HBS1L: variants seen among roughly 807,000 people sequenced by gnomAD.
The protein encoded by HBS1L is HBS1 like translational GTPase.
HBS1L carries 55 observed loss-of-function variants against 88.9 expected under a neutral mutation model. The observed-to-expected ratio is 0.62, with a 90% CI of 0.50 to 0.77. The LOEUF (loss-of-function observed/expected upper bound fraction) is 0.77. HBS1L is among the 30% of genes least tolerant of loss of function. The pLI, the probability that HBS1L is intolerant of heterozygous loss-of-function variation, is 0.00. For synonymous variants in HBS1L, 267 were observed against 288.5 expected, an observed-to-expected ratio of 0.93 and a Z score of 0.76; for missense variants, 741 against 829.3, an observed-to-expected ratio of 0.89 and a Z score of 1.31.
rs1242257285 is a variant in HBS1L, at chr6:135,039,632, C to CT, written c.370dup (p.Arg124LysfsTer10). On this transcript the variant is annotated frameshift_variant, in exon 4 of 18. Transcript: ENST00000367837. LOFTEE classifies it high-confidence loss of function. Reference sequence around the variant, plus strand: ...ATTCTTGTCCTTCAAACTCTGCACTCTATCTTGTTCCAGAACCCCTGACAA... The same window carrying CT: ...ATTCTTGTCCTTCAAACTCTGCACTCTTATCTTGTTCCAGAACCCCTGACAA... 2 of 1,614,034 alleles carry CT rather than the reference C, an allele frequency of 1.2e-6. No individual in the cohort carries two copies. The highest frequency in any genetic ancestry group is 1.7e-6 in the Non-Finnish European group (2 of 1,180,018).
rs377200246 is a variant in HBS1L, at chr6:134,987,789, C to T, written c.1086G>A (p.Ala362=). 185 of 1,570,096 alleles carry T rather than the reference C, an allele frequency of 1.2e-4. No individual in the cohort carries two copies. The highest frequency in any genetic ancestry group is 1.5e-4 in the Non-Finnish European group (175 of 1,161,784). The change falls in exon 9 of 18, where the codon GCG becomes GCA. Residue 362 remains alanine, a splice_region_variant and synonymous_variant. Transcript: ENST00000367837. Reference sequence around the variant, plus strand: ...CATCTACAACTAAAACAGCTACATCCGCCTAAAGAAGAAAAATAATCGAAG... The same window carrying T: ...CATCTACAACTAAAACAGCTACATCTGCCTAAAGAAGAAAAATAATCGAAG... The part of the protein sequence containing the change: ...IPNMITGAAQ[A]DVAVLVVDAS...
chr6:135,022,181 T>C (rs1190788893), intron 4 of HBS1L, among the ~76,000 whole-genome samples: 1 of 152,148 alleles, frequency 6.6e-6, no homozygotes, highest in Non-Finnish European at 1.5e-5. Context: ...CTTCATTCTA[T>C]TCTTTGGCTA....
rs762213027 is a variant in HBS1L at position 134,997,529 on chromosome 6, G to T, written c.667C>A (p.Gln223Lys). The T allele has an allele frequency of 1.2e-6, 2 of 1,614,064 alleles. No homozygotes were observed. Among genetic ancestry groups the T allele is most frequent in the Non-Finnish European group, 1.7e-6 (2 of 1,179,998 alleles). The change falls in exon 6 of 18, where the codon CAA becomes AAA. Residue 223 changes from glutamine to lysine, a missense_variant. Physicochemically the swap from Gln to Lys is moderately conservative, Grantham distance 53. Coordinates refer to ENST00000367837, the MANE Select transcript of HBS1L (RefSeq NM_006620.4). ...GTTGAACTCTGCTCTTCTGATGCTT[G>T]AATCGTGTGGGGTGGATTAGCAGAT... ...SKSANPPHTI[Q>K]ASEEQSSTPA... is the part of the protein sequence containing the mutation.
intron 8 of HBS1L, among the ~76,000 whole-genome samples, chr6:134,988,528 T>A (rs1281013439): frequency 6.7e-6 from 1 of 148,302 alleles, no homozygotes; most frequent in Non-Finnish European, 1.5e-5. Context: ...GCTAAAGAAA[T>A]ATAAATGGTC....
chr6:135,037,363 T>G (rs1209765664), intron 4 of HBS1L: 1 of 1,551,592 alleles, frequency 6.4e-7, no homozygotes, highest in Admixed American at 2.0e-5. Context: ...AAACTGCAAA[T>G]TATCATTTTT....
chr6:134,971,240 ACTTGC>A (rs1774476913), intron 15 of HBS1L, among the ~76,000 whole-genome samples: 1 of 152,204 alleles, frequency 6.6e-6, no homozygotes, highest in African/African-American at 2.4e-5. Flanking sequence ...GGGATGAAAA[ACTTGC>A]CACAATGAAT....
chr6:135,022,450 T>G (rs965116538), intron 4 of HBS1L, among the ~76,000 whole-genome samples: 28 of 152,174 alleles, frequency 1.8e-4, no homozygotes, highest in African/African-American at 6.8e-4. Context: ...TATTTTTAAA[T>G]TAAGCAATTA....
chr6:134,972,927 A>G (rs554786723), intron 15 of HBS1L, among the ~76,000 whole-genome samples: 23 of 152,330 alleles, frequency 1.5e-4, no homozygotes, highest in Non-Finnish European at 2.5e-4. Flanking sequence ...CCCCACTACT[A>G]GAAAACTTGT....
intron 1 of HBS1L, 127 bp from the exon 2 acceptor site, chr6:135,050,774 C>T: frequency 1.6e-6 from 1 of 614,564 alleles, no homozygotes; most frequent in Non-Finnish European, 2.8e-6. Context: ...CCTAGAATGT[C>T]TATTTTCAAA....
In HBS1L at chr6:134,997,530, A is replaced by G. The variant is rs765718432; in HGVS notation, c.666T>C (p.Ile222=). ...ASKSANPPHT[I]QASEEQSSTP... ...TTGAACTCTGCTCTTCTGATGCTTGAATCGTGTGGGGTGGATTAGCAGATT... is the reference window on the plus strand; with the variant it reads ...TTGAACTCTGCTCTTCTGATGCTTGGATCGTGTGGGGTGGATTAGCAGATT... Residue 222 remains isoleucine, a synonymous_variant, in exon 6 of 18, where the codon ATT becomes ATC. Coordinates refer to ENST00000367837, the MANE Select transcript of HBS1L (RefSeq NM_006620.4). 1.9e-6 allele frequency: 3 copies of G among 1,614,008 alleles called. No homozygotes were observed. Among genetic ancestry groups the G allele is most frequent in the Non-Finnish European group, 2.5e-6 (3 of 1,179,994 alleles).
intron 4 of HBS1L, chr6:135,037,220 A>G (rs1355772480): frequency 6.4e-7 from 1 of 1,551,782 alleles, no homozygotes; most frequent in African/African-American, 1.4e-5. Flanking sequence ...GACAGGGGAA[A>G]GGATCCCAAA....
chr6:134,961,633 G>A lies in HBS1L; in HGVS notation c.*3646C>T, dbSNP rs61738492. 50,390 of 151,888 alleles carry A rather than the reference G, an allele frequency of 0.33. 8,635 individuals carry two copies. The highest frequency in any genetic ancestry group is 0.38 in the Non-Finnish European group (25,526 of 67,962). The allele number at this position is 151,888 out of a possible 1,614,324, so 9.4% of individuals were successfully genotyped here. A position where few individuals can be genotyped will look rare whatever the true frequency, so the allele number is the denominator to read the frequency against. ...CACAACATAAAAATTAAGATACCCA[G>A]TTGCAAAATCACTCCCACTTTCTGA... On this transcript the variant is annotated 3_prime_UTR_variant, in exon 18 of 18. Transcript: ENST00000367837.
chr6:135,003,699 T>C (rs1775529959), intron 4 of HBS1L, among the ~76,000 whole-genome samples: 1 of 151,850 alleles, frequency 6.6e-6, no homozygotes, highest in Non-Finnish European at 1.5e-5. Flanking sequence ...AACCCCTCTC[T>C]ACTGAAAATA....
rs187224556 is a variant in HBS1L, at chr6:135,008,400, C to T, written c.431-5558G>A. ...GCACTTAAACCAAATTACCTCGCTG[C>T]CTGTCCAGTTGACCTTTCTCATCCT... On this transcript the variant is annotated intron_variant, in intron 4 of 17. Coordinates refer to ENST00000367837, the MANE Select transcript of HBS1L (RefSeq NM_006620.4). Among the ~76,000 whole-genome samples, 19 of 152,322 alleles carry T rather than the reference C, an allele frequency of 1.2e-4. No homozygotes were observed. In the East Asian group the frequency reaches 1.9e-3, roughly 15 times the overall value.
At chr6:135,037,373 T>A (rs1285624045) in intron 4 of HBS1L, 1 of 1,551,394 alleles carries the variant, frequency 6.4e-7, no homozygotes, top group Non-Finnish European at 8.7e-7. Context: ...TTATCATTTT[T>A]AAAAGTGTGA....
At chr6:135,000,281 G>T (rs1487989457) in intron 5 of HBS1L, among the ~76,000 whole-genome samples, 3 of 142,578 alleles carry the variant, frequency 2.1e-5, no homozygotes, top group African/African-American at 8.3e-5. Flanking sequence ...AGCTGGTCTT[G>T]AACTCTTAGG....
chr6:135,016,768 T>C (rs1775934643), intron 4 of HBS1L, among the ~76,000 whole-genome samples: 1 of 152,210 alleles, frequency 6.6e-6, no homozygotes, highest in Non-Finnish European at 1.5e-5. Context: ...TATTTTACAA[T>C]ATCCAGTCCA....
intron 7 of HBS1L, 116 bp downstream of exon 7, chr6:134,996,661 T>C: frequency 8.1e-6 from 6 of 740,942 alleles, no homozygotes; most frequent in Non-Finnish European, 1.2e-5. Flanking sequence ...TAAAAGCTAT[T>C]TTCTAAAAAT....
At chr6:134,998,098 T>C (rs1271343806) in intron 5 of HBS1L, among the ~76,000 whole-genome samples, 1 of 152,200 alleles carries the variant, frequency 6.6e-6, no homozygotes, top group African/African-American at 2.4e-5. Context: ...TTTACTCAAA[T>C]ACTACCCCGA....
Sources: allele counts gnomAD v4.1 joint callset (sites outside exome capture counted in the v4.1 genomes callset), GRCh38; gene constraint gnomAD v4.1.1; transcripts MANE v1.5; gene names NCBI Gene and HGNC (gene_info 2026-07-23, HGNC 2026-07-21).